The following ELMO1 variants were observed in gnomAD, a reference collection of about 807,000 sequenced individuals.
ELMO1 encodes engulfment and cell motility protein 1.
ELMO1 carries 26 observed loss-of-function variants against 98.9 expected under a neutral mutation model. The observed-to-expected ratio is 0.26, with a 90% CI of 0.19 to 0.36. The LOEUF (loss-of-function observed/expected upper bound fraction) is 0.36. Ranked by LOEUF, ELMO1 falls within the 10% of genes least tolerant of loss-of-function variation. The pLI, the probability that ELMO1 is intolerant of heterozygous loss-of-function variation, is 1.00. For synonymous variants in ELMO1, 346 were observed against 346.0 expected (o/e 1.00, Z 0.00); for missense variants, 627 against 935.2 (o/e 0.67, Z 4.30).
chr7:37,165,848 T>G (rs1206518207), intron 13 of ELMO1, among the ~76,000 whole-genome samples: 1 of 152,214 alleles, frequency 6.6e-6, no homozygotes, highest in Non-Finnish European at 1.5e-5. Context: ...GATGCTGGCC[T>G]CATAAAATGA....
At chr7:37,426,667 C>A (rs1804723451) in intron 1 of ELMO1, among the ~76,000 whole-genome samples, 1 of 152,124 alleles carries the variant, frequency 6.6e-6, no homozygotes, top group Non-Finnish European at 1.5e-5. Flanking sequence ...GCAAGTCAGT[C>A]CTTGTCTCGC....
At chr7:37,285,154 G>A (rs1797328064) in intron 4 of ELMO1, among the ~76,000 whole-genome samples, 1 of 152,174 alleles carries the variant, frequency 6.6e-6, no homozygotes, top group Admixed American at 6.5e-5. Flanking sequence ...TCCCTGTGGT[G>A]GCCATGCCCT....
chr7:36,893,036 C>G (rs768192698), intron 17 of ELMO1, among the ~76,000 whole-genome samples: 61 of 152,290 alleles, frequency 4.0e-4, no homozygotes, highest in African/African-American at 1.3e-3. Flanking sequence ...GTAAAATGTT[C>G]GTACTTGCCA....
chr7:37,410,492 G>C (rs1041607751), intron 1 of ELMO1, among the ~76,000 whole-genome samples: 1 of 151,994 alleles, frequency 6.6e-6, no homozygotes. Context: ...AGGGACAGAG[G>C]GCCAGATGCC....
chr7:36,891,604 A>G (rs1584320800), intron 17 of ELMO1, among the ~76,000 whole-genome samples: 1 of 152,244 alleles, frequency 6.6e-6, no homozygotes, highest in Non-Finnish European at 1.5e-5. Context: ...TTACGGGCTA[A>G]TAAGACAGAA....
chr7:36,886,641 G>T (rs1475972382), intron 18 of ELMO1, among the ~76,000 whole-genome samples: 1 of 152,040 alleles, frequency 6.6e-6, no homozygotes, highest in Non-Finnish European at 1.5e-5. Context: ...TTATGCTCTG[G>T]CTGTTTGCTT....
intron 16 of ELMO1, among the ~76,000 whole-genome samples, chr7:36,903,593 T>A (rs1326300594): frequency 6.6e-6 from 1 of 152,240 alleles, no homozygotes; most frequent in Non-Finnish European, 1.5e-5. Context: ...CCCTTGAGAT[T>A]CTGACCCTGG....
intron 8 of ELMO1, among the ~76,000 whole-genome samples, chr7:37,226,327 C>T (rs187269010): frequency 9.2e-5 from 14 of 152,246 alleles, no homozygotes; most frequent in South Asian, 4.1e-4. Context: ...TAACCTTCTC[C>T]GACATGTTTA....
At chr7:36,994,486 T>TA (rs1197491372) in intron 16 of ELMO1, among the ~76,000 whole-genome samples, 3 of 152,244 alleles carry the variant, frequency 2.0e-5, no homozygotes, top group Non-Finnish European at 4.4e-5. Flanking sequence ...CTGCAAACCT[T>TA]AAACTTAGAG....
In ELMO1 at chr7:36,887,540, A is replaced by G. The variant is rs772875282; in HGVS notation, c.1714+20T>C. The G allele has an allele frequency of 6.8e-6, 11 of 1,611,586 alleles. No homozygotes were observed. Among genetic ancestry groups the G allele is most frequent in the Admixed American group, 1.7e-5 (1 of 59,950 alleles). Reference sequence around the variant, plus strand: ...CACTGTTTACCCTATCCAAGTTTGGAGTGTCCCCAGAAACAATACCTTGCC... The same window carrying G: ...CACTGTTTACCCTATCCAAGTTTGGGGTGTCCCCAGAAACAATACCTTGCC... On this transcript the variant is annotated intron_variant, in intron 18 of 21. Transcript: ENST00000310758.
intron 1 of ELMO1, among the ~76,000 whole-genome samples, chr7:37,433,264 A>T (rs1474282777): frequency 2.6e-5 from 4 of 152,256 alleles, no homozygotes; most frequent in Non-Finnish European, 4.4e-5. Flanking sequence ...GTCTGCAGAC[A>T]TACACTGAGT....
At chr7:37,169,165 T>C (rs893160705) in intron 13 of ELMO1, among the ~76,000 whole-genome samples, 1 of 152,206 alleles carries the variant, frequency 6.6e-6, no homozygotes, top group African/African-American at 2.4e-5. Context: ...TATAATCTCC[T>C]GGTGCGCCGT....
intron 20 of ELMO1, among the ~76,000 whole-genome samples, chr7:36,862,352 C>T (rs905421937): frequency 6.6e-6 from 1 of 152,208 alleles, no homozygotes; most frequent in Non-Finnish European, 1.5e-5. Context: ...TAGGTCTTAC[C>T]CAGCAGAGAC....
intron 19 of ELMO1, 21 bp downstream of exon 19, chr7:36,877,989 C>T (rs1260821140): frequency 6.3e-7 from 1 of 1,595,756 alleles, no homozygotes; most frequent in South Asian, 1.1e-5. Context: ...ACTCAGGCCT[C>T]TGCCAAGGAG....
intron 14 of ELMO1, among the ~76,000 whole-genome samples, chr7:37,124,723 T>C (rs1333549079): frequency 6.6e-6 from 1 of 152,286 alleles, no homozygotes; most frequent in Non-Finnish European, 1.5e-5. Context: ...AGGTAATTTA[T>C]AGATTCAATG....
intron 16 of ELMO1, among the ~76,000 whole-genome samples, chr7:36,918,497 G>C (rs192975937): frequency 1.4e-3 from 212 of 152,278 alleles, no homozygotes; most frequent in Middle Eastern, 3.4e-3. Context: ...CAGTCACCCA[G>C]GGGATTCACA....
intron 1 of ELMO1, among the ~76,000 whole-genome samples, chr7:37,396,873 T>C (rs968897844): frequency 6.6e-6 from 1 of 152,232 alleles, no homozygotes; most frequent in Non-Finnish European, 1.5e-5. Context: ...GATTCTGAAA[T>C]TACTATACAT....
intron 1 of ELMO1, among the ~76,000 whole-genome samples, chr7:37,425,103 C>T (rs749044231): frequency 2.0e-5 from 3 of 152,136 alleles, no homozygotes; most frequent in Non-Finnish European, 4.4e-5. Context: ...ATTCAGGATG[C>T]TCTAACAAAG....
At chr7:36,990,136 G>T (rs10227899) in intron 16 of ELMO1, among the ~76,000 whole-genome samples, 42 of 152,084 alleles carry the variant, frequency 2.8e-4, no homozygotes, top group Admixed American at 7.2e-4. Flanking sequence ...AAGAATTTTT[G>T]CATGGGATCT....
Sources: gnomAD v4.1 joint callset for allele counts (sites outside exome capture counted in the v4.1 genomes callset) on GRCh38, gnomAD v4.1.1 for gene constraint, MANE v1.5 for transcripts, NCBI Gene and HGNC (gene_info 2026-07-23, HGNC 2026-07-21) for gene names.